The following KIAA1328 variants were observed in gnomAD, a reference collection of about 807,000 sequenced individuals.
KIAA1328 encodes KIAA1328, also known as protein hinderin.
A neutral mutation model predicts 68.1 loss-of-function variants in KIAA1328; 52 were observed. That is an observed-to-expected ratio of 0.76 (90% confidence interval 0.61 to 0.96). The LOEUF is 0.96. KIAA1328 is among the 40% of genes least tolerant of loss of function. KIAA1328 has a pLI of 0.00. For synonymous variants in KIAA1328, 232 were observed against 239.4 expected, an observed-to-expected ratio of 0.97 and a Z score of 0.28; for missense variants, 641 against 677.6, an observed-to-expected ratio of 0.95 and a Z score of 0.60.
intron 7 of KIAA1328, among the ~76,000 whole-genome samples, chr18:37,132,556 A>C (rs1458729442): frequency 6.6e-6 from 1 of 152,362 alleles, no homozygotes; most frequent in East Asian, 1.9e-4. Context: ...ATCAAGGAGC[A>C]TATTGGGAGG....
Position 37,152,638 on chromosome 18 carries a change from G to A in KIAA1328, c.1233-7562G>A, listed in dbSNP as rs141298717. 4.3e-4 allele frequency among the ~76,000 whole-genome samples: 65 copies of A among 152,286 alleles called. 1 individual carries two copies. In the East Asian group the frequency reaches 0.012, roughly 29 times the overall value. ...TCCATACAGTGGCGCGTTGGCAGAA[G>A]CAGCCCAGAAGCATGTGGTGTGAGA... On this transcript the variant is annotated intron_variant, in intron 7 of 9. Coordinates refer to ENST00000280020, the MANE Select transcript of KIAA1328 (RefSeq NM_020776.3).
At chr18:37,009,756 C>T (rs1411874115) in intron 6 of KIAA1328, among the ~76,000 whole-genome samples, 1 of 152,138 alleles carries the variant, frequency 6.6e-6, no homozygotes, top group Non-Finnish European at 1.5e-5. Flanking sequence ...TAGTCTGTGT[C>T]TGAGCCAAAA....
chr18:36,956,543 TG>T lies in KIAA1328; in HGVS notation c.449-2755del, dbSNP rs112740428. On this transcript the variant is annotated intron_variant, in intron 5 of 9. Coordinates refer to ENST00000280020, the MANE Select transcript of KIAA1328 (RefSeq NM_020776.3). ...CTCATTGTGCTAAGGAGGAAGGAAG[TG>T]GGGGGGGGGTGCATTTAGAAATCTG... is the stretch of plus-strand genomic sequence containing the variant. Among the ~76,000 whole-genome samples, 1,148 of 137,068 alleles carry T rather than the reference TG, an allele frequency of 8.4e-3. 13 individuals carry two copies. Among genetic ancestry groups the T allele is most frequent in the Middle Eastern group, 0.033 (9 of 272 alleles). 89.9% of individuals were successfully genotyped at this position (137,068 alleles called of 152,430 possible).
intron 7 of KIAA1328, among the ~76,000 whole-genome samples, chr18:37,123,903 T>C (rs956362583): frequency 3.3e-5 from 5 of 152,276 alleles, no homozygotes; most frequent in Non-Finnish European, 7.4e-5. Context: ...TAGTAAAGGT[T>C]CCTGTTAATA....
chr18:37,014,392 TA>T (rs2054079340), intron 6 of KIAA1328, among the ~76,000 whole-genome samples: 1 of 152,230 alleles, frequency 6.6e-6, no homozygotes, highest in Admixed American at 6.5e-5. Flanking sequence ...TCTGAGAACC[TA>T]GTTATAAATG....
At chr18:37,208,038 A>C (rs1442030551) in intron 9 of KIAA1328, among the ~76,000 whole-genome samples, 1 of 152,052 alleles carries the variant, frequency 6.6e-6, no homozygotes, top group Non-Finnish European at 1.5e-5. Flanking sequence ...CGAACTGCCG[A>C]CCTTAGGTGA....
intron 6 of KIAA1328, among the ~76,000 whole-genome samples, chr18:37,053,623 A>G (rs1341053810): frequency 6.6e-6 from 1 of 152,182 alleles, no homozygotes; most frequent in Admixed American, 6.5e-5. Flanking sequence ...TTATAAAGGA[A>G]AGAGGTTTAA....
In KIAA1328 at chr18:37,011,279, C is replaced by T. The variant is rs183618352; in HGVS notation, c.576+51844C>T. ...CTATAATTGAACTCTTGATTTTCCT[C>T]CCTAACCTGCCACTACATTACCTAT... On this transcript the variant is annotated intron_variant, in intron 6 of 9. Transcript: ENST00000280020. 4.1e-4 allele frequency among the ~76,000 whole-genome samples: 63 copies of T among 152,272 alleles called. 1 individual carries two copies. In the East Asian group the frequency reaches 0.012, roughly 28 times the overall value.
chr18:37,077,283 AAG>A lies in KIAA1328; in HGVS notation c.1232+9739_1232+9740del, dbSNP rs1453623947. On this transcript the variant is annotated intron_variant, in intron 7 of 9. Transcript: ENST00000280020. ...GAACAGGCCTTTGACAAAATTCAAC[AAG>A]GCTTCATGCTAAAAACTCAATAAAT... 8.2e-3 allele frequency among the ~76,000 whole-genome samples: 986 copies of A among 119,530 alleles called. 18 individuals are homozygous for A. Among genetic ancestry groups the A allele is most frequent in the African/African-American group, 0.022 (484 of 21,806 alleles). 78.4% of individuals were successfully genotyped at this position (119,530 alleles called of 152,430 possible).
intron 5 of KIAA1328, among the ~76,000 whole-genome samples, chr18:36,922,286 T>G (rs889290221): frequency 6.6e-6 from 1 of 152,202 alleles, no homozygotes; most frequent in African/African-American, 2.4e-5. Context: ...GGCTCTGCCT[T>G]GTCTTCCTTT....
At chr18:37,080,999 T>C (rs1228518104) in intron 7 of KIAA1328, among the ~76,000 whole-genome samples, 1 of 151,572 alleles carries the variant, frequency 6.6e-6, no homozygotes, top group Non-Finnish European at 1.5e-5. Flanking sequence ...GATTGATTGA[T>C]TGACGGAGTT....
intron 7 of KIAA1328, among the ~76,000 whole-genome samples, chr18:37,103,243 T>C (rs1325317388): frequency 1.3e-5 from 2 of 152,282 alleles, no homozygotes; most frequent in East Asian, 3.8e-4. Context: ...TCACACTACC[T>C]GACTTCAAGG....
intron 7 of KIAA1328, among the ~76,000 whole-genome samples, chr18:37,145,044 G>T (rs2154208781): frequency 6.6e-6 from 1 of 152,044 alleles, no homozygotes; most frequent in East Asian, 1.9e-4. Flanking sequence ...AGACCAGTCT[G>T]GGCAACGTGG....
chr18:37,009,362 T>C lies in KIAA1328; in HGVS notation c.576+49927T>C, dbSNP rs145629399. Among the ~76,000 whole-genome samples the C allele has an allele frequency of 8.8e-3, 1,344 of 152,282 alleles. 12 individuals carry two copies. The highest frequency in any genetic ancestry group is 0.011 in the Non-Finnish European group (742 of 68,014). ...TAGTGAGATGTAAGAAGTTTTTCCA[T>C]AGAGCTTCTAGGAAATCGCCTTAAG... is the stretch of plus-strand genomic sequence containing the variant. On this transcript the variant is annotated intron_variant, in intron 6 of 9. Coordinates refer to ENST00000280020, the MANE Select transcript of KIAA1328 (RefSeq NM_020776.3).
rs1339840042 is a variant in KIAA1328, at chr18:36,834,365, T to C, written c.94+10T>C. On this transcript the variant is annotated intron_variant, in intron 2 of 9. Coordinates refer to ENST00000280020, the MANE Select transcript of KIAA1328 (RefSeq NM_020776.3). ...GTAGTATACGTTCCAGGTATGATTT[T>C]CTATGTTAAAATTTGGGAAGCTTAC... 1.3e-6 allele frequency: 2 copies of C among 1,575,270 alleles called. No homozygotes were observed. The highest frequency in any genetic ancestry group is 2.5e-5 in the South Asian group (2 of 80,714).
intron 5 of KIAA1328, chr18:36,923,867 T>C (rs933910172): frequency 6.6e-6 from 1 of 152,248 alleles, no homozygotes; most frequent in African/African-American, 2.4e-5. Context: ...AAAGTTCTAC[T>C]GGACAGAGCC....
chr18:37,120,509 G>A (rs1308286339), intron 7 of KIAA1328, among the ~76,000 whole-genome samples: 2 of 152,150 alleles, frequency 1.3e-5, no homozygotes, highest in Admixed American at 1.3e-4. Context: ...TTGATAAAAA[G>A]ATTACATAAT....
At chr18:36,944,578 C>T (rs1934586455) in intron 5 of KIAA1328, among the ~76,000 whole-genome samples, 1 of 148,712 alleles carries the variant, frequency 6.7e-6, no homozygotes. Flanking sequence ...GACTCTGTCT[C>T]AAAAAAAAAA....
chr18:37,212,949 C>T (rs1409341594), intron 9 of KIAA1328, among the ~76,000 whole-genome samples: 1 of 152,094 alleles, frequency 6.6e-6, no homozygotes, highest in African/African-American at 2.4e-5. Flanking sequence ...AAACTCCTGA[C>T]ATCAAGTGAT....
Sources: allele counts gnomAD v4.1 joint callset (sites outside exome capture counted in the v4.1 genomes callset), GRCh38; gene constraint gnomAD v4.1.1; transcripts MANE v1.5; gene names NCBI Gene and HGNC (gene_info 2026-07-23, HGNC 2026-07-21).